USP45: variants seen among roughly 807,000 people sequenced by gnomAD.
The protein encoded by USP45 is ubiquitin carboxyl-terminal hydrolase 45.
Under a neutral mutation model 95.8 loss-of-function variants are expected in USP45, and 89 were observed. That is an observed-to-expected ratio of 0.93 (90% CI 0.78 to 1.11). The LOEUF (loss-of-function observed/expected upper bound fraction) is 1.11, where lower values mean the gene tolerates loss of function less well. Ranked by LOEUF, USP45 falls within the 50% of genes least tolerant of loss-of-function variation. The pLI is 0.00. For synonymous variants in USP45, 281 were observed against 316.2 expected (o/e 0.89, Z 1.18); for missense variants, 898 against 942.5 (o/e 0.95, Z 0.62).
chr6:99,475,317 CTTTTTTTT>C (rs34747235), intron 9 of USP45, among the ~76,000 whole-genome samples: 2 of 124,754 alleles, frequency 1.6e-5, no homozygotes, highest in South Asian at 2.8e-4. Flanking sequence ...CTTAAGATTC[CTTTTTTTT>C]TTTTTTTTTT....
At chr6:99,515,243 G>GC (rs1052873510) in intron 1 of USP45, 149 bp downstream of exon 1, 5 of 152,204 alleles carry the variant, frequency 3.3e-5, no homozygotes, top group African/African-American at 1.2e-4. Flanking sequence ...ACCGCCCGGC[G>GC]CCCCCAGGGA....
intron 7 of USP45, among the ~76,000 whole-genome samples, chr6:99,486,615 A>C (rs1464513018): frequency 1.1e-5 from 1 of 89,664 alleles, no homozygotes; most frequent in Non-Finnish European, 2.1e-5. Flanking sequence ...TATATATAAA[A>C]AGGAGGTTAT....
chr6:99,494,497 A>G (rs1795870263), intron 5 of USP45, among the ~76,000 whole-genome samples: 1 of 152,164 alleles, frequency 6.6e-6, no homozygotes, highest in Non-Finnish European at 1.5e-5. Context: ...ACAACAAAAC[A>G]ACTTGTCTAA....
chr6:99,454,106 C>T (rs1206177525), intron 13 of USP45, among the ~76,000 whole-genome samples: 1 of 152,104 alleles, frequency 6.6e-6, no homozygotes, highest in Non-Finnish European at 1.5e-5. Context: ...ACAGTATGGT[C>T]ATGGTATAAA....
At chr6:99,475,619 A>G (rs1344520809) in intron 9 of USP45, among the ~76,000 whole-genome samples, 2 of 152,028 alleles carry the variant, frequency 1.3e-5, no homozygotes, top group African/African-American at 2.4e-5. Flanking sequence ...CCTGGCCCCA[A>G]TTCCTTTTTA....
intron 7 of USP45, among the ~76,000 whole-genome samples, chr6:99,484,538 T>G (rs980872221): frequency 1.3e-5 from 2 of 152,056 alleles, no homozygotes; most frequent in African/African-American, 2.4e-5. Flanking sequence ...ATGACTCACA[T>G]CTGTAACCTC....
intron 13 of USP45, among the ~76,000 whole-genome samples, chr6:99,453,367 C>T (rs1052442383): frequency 2.6e-5 from 4 of 151,534 alleles, no homozygotes; most frequent in South Asian, 4.2e-4. Context: ...TATACACTAA[C>T]AACAAAGTAG....
At position 99,446,253 on chromosome 6, in the gene USP45, GCTCA is replaced by G. The variant is rs1466620424; in HGVS notation, c.1515_1518del (p.Glu506LeufsTer58). On this transcript the variant is annotated frameshift_variant, in exon 14 of 18. Transcript: ENST00000500704. LOFTEE classifies it high-confidence loss of function. ...TTTGAAGCACTTTCAGATTCTGAAG[GCTCA>G]CTGTCAGCATCAACATTGCTTTCAG... 4 of 1,614,046 alleles carry G rather than the reference GCTCA, an allele frequency of 2.5e-6. No homozygotes were observed. The highest frequency in any genetic ancestry group is 2.2e-5 in the East Asian group (1 of 44,880).
chr6:99,489,576 A>C (rs1794719758), intron 5 of USP45, among the ~76,000 whole-genome samples: 1 of 152,224 alleles, frequency 6.6e-6, no homozygotes, highest in Non-Finnish European at 1.5e-5. Flanking sequence ...CTGTAATACA[A>C]AAAGTAAAAT....
chr6:99,505,903 G>C (rs1045549636), intron 4 of USP45, among the ~76,000 whole-genome samples: 1 of 152,136 alleles, frequency 6.6e-6, no homozygotes, highest in Non-Finnish European at 1.5e-5. Flanking sequence ...TAGAGTTTGA[G>C]ACCACTAAAG....
chr6:99,437,462 T>C (rs1305306895), intron 16 of USP45, 63 bp from the exon 17 acceptor site: 1 of 1,436,838 alleles, frequency 7.0e-7, no homozygotes, highest in East Asian at 2.4e-5. Context: ...TAAGGAAAAG[T>C]AAGTAAATGT....
intron 5 of USP45, chr6:99,501,914 C>T (rs1057171047): frequency 2.6e-5 from 34 of 1,288,618 alleles, no homozygotes; most frequent in Non-Finnish European, 2.9e-5. Context: ...TGATGGGTCC[C>T]TCAGGCCACA....
intron 9 of USP45, among the ~76,000 whole-genome samples, chr6:99,474,925 G>C (rs1442000099): frequency 1.3e-5 from 2 of 152,166 alleles, no homozygotes; most frequent in Non-Finnish European, 2.9e-5. Flanking sequence ...CTATCAGTTA[G>C]GGGATAGGCC....
intron 7 of USP45, among the ~76,000 whole-genome samples, chr6:99,487,425 T>A (rs1260098090): frequency 6.6e-6 from 1 of 152,144 alleles, no homozygotes; most frequent in African/African-American, 2.4e-5. Context: ...AGCTTCTGAA[T>A]ATCAGGGGCT....
At chr6:99,469,490 T>A (rs60882212) in intron 9 of USP45, among the ~76,000 whole-genome samples, 4,107 of 21,422 alleles carry the variant, frequency 0.19, 74 homozygotes, top group East Asian at 0.32. Context: ...ATATATATTT[T>A]TTTTTTTTTT....
intron 13 of USP45, among the ~76,000 whole-genome samples, chr6:99,449,576 T>C (rs1455228979): frequency 6.6e-6 from 1 of 152,010 alleles, no homozygotes; most frequent in Non-Finnish European, 1.5e-5. Flanking sequence ...TCCCACACAA[T>C]AATAATGGGA....
chr6:99,461,727 T>A (rs943480099), intron 13 of USP45: 3 of 985,058 alleles, frequency 3.0e-6, no homozygotes, highest in Middle Eastern at 5.2e-4. Flanking sequence ...CAAAAACTTA[T>A]GATCAAATCA....
At chr6:99,453,481 A>C (rs949435193) in intron 13 of USP45, among the ~76,000 whole-genome samples, 2 of 152,188 alleles carry the variant, frequency 1.3e-5, no homozygotes, top group African/African-American at 2.4e-5. Context: ...GACCTCCACA[A>C]GGAAAACTAT....
chr6:99,464,806 C>A, intron 12 of USP45, 59 bp from the exon 13 acceptor site: 3 of 1,488,500 alleles, frequency 2.0e-6, no homozygotes, highest in Non-Finnish European at 2.7e-6. Context: ...TCTGGATGTC[C>A]TCATCTTAAA....
Sources: allele counts gnomAD v4.1 joint callset (sites outside exome capture counted in the v4.1 genomes callset), GRCh38; gene constraint gnomAD v4.1.1; transcripts MANE v1.5; gene names NCBI Gene and HGNC (gene_info 2026-07-23, HGNC 2026-07-21).